The following FCHO2 variants were observed in gnomAD, a reference collection of about 807,000 sequenced individuals.
FCHO2 encodes the protein F-BAR domain only protein 2.
In FCHO2, 43 loss-of-function variants were observed where a neutral mutation model predicts 114.1. The observed-to-expected ratio is 0.38, with a 90% CI of 0.30 to 0.49. The LOEUF (loss-of-function observed/expected upper bound fraction) is 0.49, where lower values mean the gene tolerates loss of function less well. FCHO2 is among the 20% of genes least tolerant of loss of function. The pLI is 0.97. For missense variants in FCHO2, 807 were observed against 950.4 expected (o/e 0.85, Z 1.98); for synonymous variants, 293 against 315.2 (o/e 0.93, Z 0.75).
At chr5:73,037,000 G>A (rs1756545094) in intron 9 of FCHO2, 143 bp from the exon 10 acceptor site, 1 of 476,276 alleles carries the variant, frequency 2.1e-6, no homozygotes, top group Non-Finnish European at 3.7e-6. Context: ...GGGTTGAGTG[G>A]TTGCTAACTT....
At chr5:73,023,238 G>A (rs949711454) in intron 8 of FCHO2, among the ~76,000 whole-genome samples, 1 of 152,188 alleles carries the variant, frequency 6.6e-6, no homozygotes, top group African/African-American at 2.4e-5. Context: ...GGTTGTATAT[G>A]TATTTCAGGT....
intron 19 of FCHO2, among the ~76,000 whole-genome samples, chr5:73,069,284 G>T (rs1742516068): frequency 6.6e-6 from 1 of 151,988 alleles, no homozygotes; most frequent in Non-Finnish European, 1.5e-5. Flanking sequence ...CATGGACTGG[G>T]GTCAAGAGGA....
intron 1 of FCHO2, among the ~76,000 whole-genome samples, chr5:72,961,619 A>G (rs1034381077): frequency 1.3e-5 from 2 of 150,108 alleles, no homozygotes; most frequent in Non-Finnish European, 3.0e-5. Context: ...TTTGAGACGG[A>G]GTTTCGCTCT....
In FCHO2 at chr5:72,959,626, A is replaced by G. The variant is rs577182532; in HGVS notation, c.33+3497A>G. On this transcript the variant is annotated intron_variant, in intron 1 of 25. Transcript: ENST00000430046. Reference sequence around the variant, plus strand: ...AAGTGGAACTATTAAAAGGAAATAAAATTGTCAAAATTCAAAACATCGTGC... The same window carrying G: ...AAGTGGAACTATTAAAAGGAAATAAGATTGTCAAAATTCAAAACATCGTGC... Among the ~76,000 whole-genome samples, 5 of 152,336 alleles carry G rather than the reference A, an allele frequency of 3.3e-5. No homozygotes were observed. The South Asian group carries it at 1.0e-3, about 32-fold the overall frequency.
Position 73,026,520 on chromosome 5 carries a change from A to G in FCHO2, c.797-8137A>G, listed in dbSNP as rs908060676. On this transcript the variant is annotated intron_variant, in intron 8 of 25. Transcript: ENST00000430046. ...GTTAACCTATTTCTCTGATGCTGCA[A>G]AATGACACCAATTTTATTTTTAGTC... Among the ~76,000 whole-genome samples the G allele has an allele frequency of 2.6e-5, 4 of 152,190 alleles. No homozygotes were observed. The South Asian group carries it at 6.2e-4, about 24-fold the overall frequency.
At chr5:72,984,948 G>A (rs1753425773) in intron 2 of FCHO2, among the ~76,000 whole-genome samples, 1 of 151,968 alleles carries the variant, frequency 6.6e-6, no homozygotes, top group Non-Finnish European at 1.5e-5. Flanking sequence ...ATTTCTATAT[G>A]TTACACTTGG....
chr5:72,956,581 C>T (rs1207009396), intron 1 of FCHO2, among the ~76,000 whole-genome samples: 1 of 152,168 alleles, frequency 6.6e-6, no homozygotes, highest in East Asian at 1.9e-4. Flanking sequence ...GGCCCCCCAT[C>T]TGAGCGATCC....
chr5:73,054,533 G>C lies in FCHO2; in HGVS notation c.1194G>C (p.Met398Ile). 1.9e-6 allele frequency: 3 copies of C among 1,540,804 alleles called. No individual in the cohort carries two copies. The highest frequency in any genetic ancestry group is 2.6e-6 in the Non-Finnish European group (3 of 1,141,974). The change falls in exon 15 of 26, where the codon ATG becomes ATC. Residue 398 changes from methionine to isoleucine, a missense_variant. Coordinates refer to ENST00000430046, the MANE Select transcript of FCHO2 (RefSeq NM_138782.3). ...PAISRHSPVQMNRNLSNEELT... is the reference protein window; with the variant it reads ...PAISRHSPVQINRNLSNEELT... Reference sequence around the variant, plus strand: ...TTGCATCTCTGTTTTAGGTACAGATGAATCGGAATTTGTCTAGTAAGTTTG... The same window carrying C: ...TTGCATCTCTGTTTTAGGTACAGATCAATCGGAATTTGTCTAGTAAGTTTG...
At chr5:73,023,136 T>C (rs370521224) in intron 8 of FCHO2, among the ~76,000 whole-genome samples, 127 of 152,286 alleles carry the variant, frequency 8.3e-4, no homozygotes, top group South Asian at 3.1e-3. Flanking sequence ...GGAAATATCT[T>C]TTGAACAGAC....
At chr5:73,061,349 C>T (rs983193844) in intron 17 of FCHO2, among the ~76,000 whole-genome samples, 7 of 152,048 alleles carry the variant, frequency 4.6e-5, no homozygotes, top group Non-Finnish European at 1.0e-4. Flanking sequence ...TTATGCTCTT[C>T]TTCCGTGTAT....
intron 8 of FCHO2, among the ~76,000 whole-genome samples, chr5:73,024,005 C>G (rs1755779144): frequency 6.6e-6 from 1 of 152,062 alleles, no homozygotes; most frequent in Non-Finnish European, 1.5e-5. Flanking sequence ...CCTTTAAGCT[C>G]ACTGCTTGAT....
At chr5:72,997,981 C>CA (rs1754217558) in intron 5 of FCHO2, among the ~76,000 whole-genome samples, 1 of 150,336 alleles carries the variant, frequency 6.7e-6, no homozygotes, top group Non-Finnish European at 1.5e-5. Flanking sequence ...CCAGGAGGCT[C>CA]AAAGAGAAGC....
At chr5:72,978,322 A>T (rs1438486899) in intron 2 of FCHO2, among the ~76,000 whole-genome samples, 1 of 152,168 alleles carries the variant, frequency 6.6e-6, no homozygotes, top group African/African-American at 2.4e-5. Context: ...GAGGTTCTTC[A>T]CATCTCTTGT....
intron 8 of FCHO2, among the ~76,000 whole-genome samples, chr5:73,024,684 A>G (rs981304509): frequency 6.8e-6 from 1 of 147,360 alleles, no homozygotes; most frequent in African/African-American, 2.5e-5. Flanking sequence ...TGATCCGCCC[A>G]CCTCGGCCTC....
intron 6 of FCHO2, among the ~76,000 whole-genome samples, chr5:73,014,872 A>T (rs1157753774): frequency 6.6e-6 from 1 of 151,858 alleles, no homozygotes; most frequent in Admixed American, 6.6e-5. Flanking sequence ...AGGTCAGGAG[A>T]TCGAGACTTT....
At chr5:72,987,911 GA>G (rs771407305) in intron 2 of FCHO2, among the ~76,000 whole-genome samples, 1 of 152,090 alleles carries the variant, frequency 6.6e-6, no homozygotes, top group Non-Finnish European at 1.5e-5. Context: ...TAGATATTCT[GA>G]GTTTGAGGTG....
intron 8 of FCHO2, among the ~76,000 whole-genome samples, chr5:73,023,700 CA>C (rs201431388): frequency 0.14 from 17,844 of 127,288 alleles, 1,209 homozygotes; most frequent in Middle Eastern, 0.19. Flanking sequence ...AACTCCATCT[CA>C]AAAAAAAAAA....
intron 8 of FCHO2, among the ~76,000 whole-genome samples, chr5:73,027,486 C>G (rs887731484): frequency 2.0e-5 from 3 of 151,224 alleles, no homozygotes; most frequent in Non-Finnish European, 4.4e-5. Flanking sequence ...AAACGTTTGT[C>G]TAATCCAAGG....
chr5:73,021,449 C>G (rs1249204047), intron 8 of FCHO2, among the ~76,000 whole-genome samples: 3 of 152,182 alleles, frequency 2.0e-5, no homozygotes, highest in Admixed American at 6.5e-5. Context: ...CTTGCTGTTT[C>G]ACATACATGC....
Sources: gnomAD v4.1 joint callset for allele counts (sites outside exome capture counted in the v4.1 genomes callset) on GRCh38, gnomAD v4.1.1 for gene constraint, MANE v1.5 for transcripts, NCBI Gene and HGNC (gene_info 2026-07-23, HGNC 2026-07-21) for gene names.